Variants in AFAP1 observed in about 807,000 individuals in gnomAD.
AFAP1 encodes the protein actin filament associated protein 1, also known as actin filament-associated protein 1.
In AFAP1, 75 loss-of-function variants were observed where a neutral mutation model predicts 93.9. The ratio of observed to expected loss-of-function variants is 0.80; its 90% CI spans 0.66 to 0.97. The LOEUF (loss-of-function observed/expected upper bound fraction) is 0.97, where lower values mean the gene tolerates loss of function less well. Ranked by LOEUF, AFAP1 falls within the 50% of genes least tolerant of loss-of-function variation. AFAP1 has a pLI of 0.00. For synonymous variants in AFAP1, 517 were observed against 430.7 expected (o/e 1.20, Z -2.48); for missense variants, 1,201 against 1,050.8 (o/e 1.14, Z -1.98).
At chr4:7,892,135 A>G (rs1718508140) in intron 1 of AFAP1, among the ~76,000 whole-genome samples, 1 of 152,250 alleles carries the variant, frequency 6.6e-6, no homozygotes, top group Non-Finnish European at 1.5e-5. Flanking sequence ...TGAAGAGCCC[A>G]CAGGCTAGGA....
At position 7,759,485 on chromosome 4, in the gene AFAP1, G is replaced by A. The variant is rs372916367; in HGVS notation, c.*4280C>T. 3.3e-5 allele frequency: 5 copies of A among 152,628 alleles called. No homozygotes were observed. Among genetic ancestry groups the A allele is most frequent in the South Asian group, 4.1e-4 (2 of 4,828 alleles). 9.5% of individuals were successfully genotyped at this position (152,628 alleles called of 1,614,324 possible). On this transcript the variant is annotated 3_prime_UTR_variant, in exon 18 of 18. Coordinates refer to ENST00000420658, the MANE Select transcript of AFAP1 (RefSeq NM_001134647.2). ...CTGCAGTGCTGTGCCACGTATTTACGGCAGGAACGTTTTGGTTTCATTTTA... is the reference window on the plus strand; with the variant it reads ...CTGCAGTGCTGTGCCACGTATTTACAGCAGGAACGTTTTGGTTTCATTTTA...
intron 1 of AFAP1, among the ~76,000 whole-genome samples, chr4:7,913,594 C>T (rs1719897272): frequency 6.6e-6 from 1 of 152,058 alleles, no homozygotes; most frequent in African/African-American, 2.4e-5. Context: ...ATCACAATGC[C>T]TGGACAACAA....
intron 1 of AFAP1, among the ~76,000 whole-genome samples, chr4:7,929,613 G>A (rs1024163404): frequency 1.3e-5 from 2 of 152,118 alleles, no homozygotes; most frequent in Non-Finnish European, 2.9e-5. Flanking sequence ...GCACTCCCAC[G>A]GTATTCTATC....
At chr4:7,803,725 C>T (rs535471056) in intron 9 of AFAP1, among the ~76,000 whole-genome samples, 1 of 152,388 alleles carries the variant, frequency 6.6e-6, no homozygotes, top group Non-Finnish European at 1.5e-5. Context: ...TCTTCCCTGA[C>T]AGAATCTGGC....
Position 7,793,691 on chromosome 4 carries a change from G to T in AFAP1, c.1402C>A (p.Gln468Lys). Residue 468 changes from glutamine (Q) to lysine (K), a missense_variant, in exon 11 of 18, where the codon CAG (glutamine) becomes AAG (lysine). By Grantham distance (53) the Gln-to-Lys change is moderately conservative. Transcript: ENST00000420658. ...MSASVIQTAK[Q>K]TFCFMNRRVI... ...GGCAGTGGGTCTTACCAGAAGGTCT[G>T]TTTGGCTGTCTGAATGACACTTGCA... 6.4e-7 allele frequency: 1 copy of T among 1,550,852 alleles called. No homozygotes were observed. The highest frequency in any genetic ancestry group is 8.8e-7 in the Non-Finnish European group (1 of 1,133,604).
rs148250259 is a variant in AFAP1, at chr4:7,840,805, C to T, written c.547-2102G>A. On this transcript the variant is annotated intron_variant, in intron 5 of 17. Coordinates refer to ENST00000420658, the MANE Select transcript of AFAP1 (RefSeq NM_001134647.2). ...AAAAGAAAGGTGAAAAGCAACTAATCGTACAATGGAAGGAATCGGAAAGGG... is the reference window on the plus strand; with the variant it reads ...AAAAGAAAGGTGAAAAGCAACTAATTGTACAATGGAAGGAATCGGAAAGGG... Among the ~76,000 whole-genome samples, 360 of 152,266 alleles carry T rather than the reference C, an allele frequency of 2.4e-3. 2 individuals carry two copies. The highest frequency in any genetic ancestry group is 8.2e-3 in the African/African-American group (341 of 41,540).
At chr4:7,908,108 A>G (rs1339956291) in intron 1 of AFAP1, among the ~76,000 whole-genome samples, 2 of 152,116 alleles carry the variant, frequency 1.3e-5, no homozygotes, top group African/African-American at 4.8e-5. Flanking sequence ...GCTACTCAGG[A>G]GGCTGAGGCA....
rs115015687 is a variant in AFAP1, at chr4:7,879,605, C to T, written c.-2-7525G>A. On this transcript the variant is annotated intron_variant, in intron 1 of 17. Coordinates refer to ENST00000420658, the MANE Select transcript of AFAP1 (RefSeq NM_001134647.2). ...AAGTGACGGCAAAATTACCTGGAGG[C>T]GTTTCTGCATATATTTTATACATTA... 1.5e-3 allele frequency among the ~76,000 whole-genome samples: 229 copies of T among 151,884 alleles called. 1 individual carries two copies. The highest frequency in any genetic ancestry group is 5.1e-3 in the African/African-American group (213 of 41,446).
intron 10 of AFAP1, among the ~76,000 whole-genome samples, chr4:7,794,782 T>A (rs944527592): frequency 6.6e-6 from 1 of 152,126 alleles, no homozygotes; most frequent in Admixed American, 6.6e-5. Context: ...TACCTCACCC[T>A]CCCAAAGTGC....
chr4:7,854,910 A>C (rs1377351780), intron 4 of AFAP1, among the ~76,000 whole-genome samples: 1 of 152,210 alleles, frequency 6.6e-6, no homozygotes, highest in Non-Finnish European at 1.5e-5. Flanking sequence ...AGTAACAAAC[A>C]GGTACTTCTG....
chr4:7,837,359 A>G (rs1712427754), intron 6 of AFAP1, among the ~76,000 whole-genome samples: 1 of 152,148 alleles, frequency 6.6e-6, no homozygotes, highest in African/African-American at 2.4e-5. Context: ...AGCCCCCATG[A>G]ATGGGATTGG....
intron 1 of AFAP1, among the ~76,000 whole-genome samples, chr4:7,894,459 G>A (rs773456966): frequency 2.0e-5 from 3 of 152,204 alleles, no homozygotes; most frequent in East Asian, 1.9e-4. Context: ...ACAGAGGAGC[G>A]TGAATTCTGA....
At chr4:7,822,752 T>TG (rs1721085867) in intron 6 of AFAP1, among the ~76,000 whole-genome samples, 1 of 16,006 alleles carries the variant, frequency 6.2e-5, no homozygotes, top group Non-Finnish European at 1.3e-4. Context: ...GCCCGGCTAA[T>TG]TTTTTTTTTT....
Position 7,781,590 on chromosome 4 carries a change from C to T in AFAP1, c.1568G>A (p.Arg523Lys). 1 of 1,551,876 alleles carries T rather than the reference C, an allele frequency of 6.4e-7. No individual in the cohort carries two copies. Among genetic ancestry groups the T allele is most frequent in the South Asian group, 1.2e-5 (1 of 84,062 alleles). ...ATAAAGCACCTCTTCTCCCAAGCCT[C>T]TGCTGCAGGAAGCAGGAAAGCCGTC... is the stretch of plus-strand genomic sequence containing the variant. ...PEDGFPASCS[R>K]GLGEEVLYDN... The change falls in exon 13 of 18, where the codon AGA becomes AAA. Residue 523 changes from arginine to lysine, a missense_variant. By Grantham distance (26) the Arg-to-Lys change is conservative (BLOSUM62 2). Transcript: ENST00000420658.
intron 4 of AFAP1, among the ~76,000 whole-genome samples, chr4:7,846,453 T>A (rs1713712709): frequency 6.6e-6 from 1 of 152,080 alleles, no homozygotes; most frequent in South Asian, 2.1e-4. Context: ...AACTGAGGGG[T>A]TCTGGAGGGG....
chr4:7,802,549 C>T (rs923672846), intron 9 of AFAP1, among the ~76,000 whole-genome samples: 3 of 152,074 alleles, frequency 2.0e-5, no homozygotes, highest in African/African-American at 7.2e-5. Context: ...AGATAAAGAG[C>T]TGTTAATATG....
intron 1 of AFAP1, among the ~76,000 whole-genome samples, chr4:7,935,340 G>C (rs1721312205): frequency 6.6e-6 from 1 of 152,146 alleles, no homozygotes; most frequent in South Asian, 2.1e-4. Flanking sequence ...AGCTTTAGTA[G>C]GGCCACATAT....
chr4:7,860,012 G>A (rs1715491202), intron 3 of AFAP1, among the ~76,000 whole-genome samples: 1 of 152,100 alleles, frequency 6.6e-6, no homozygotes. Flanking sequence ...GCATGATGGT[G>A]CATGCCTATA....
chr4:7,788,321 G>A (rs1254416661), intron 11 of AFAP1, among the ~76,000 whole-genome samples: 1 of 152,212 alleles, frequency 6.6e-6, no homozygotes, highest in Non-Finnish European at 1.5e-5. Context: ...AGTGAAGCCC[G>A]CCTCTTTGGT....
Sources: gnomAD v4.1 joint callset for allele counts (sites outside exome capture counted in the v4.1 genomes callset) on GRCh38, gnomAD v4.1.1 for gene constraint, MANE v1.5 for transcripts, NCBI Gene and HGNC (gene_info 2026-07-23, HGNC 2026-07-21) for gene names.